Variants in TNNI3K observed in about 807,000 individuals in gnomAD.
The protein encoded by TNNI3K is serine/threonine-protein kinase TNNI3K.
A neutral mutation model predicts 114.5 loss-of-function variants in TNNI3K; 140 were observed. That is an observed-to-expected ratio of 1.22 (90% confidence interval 1.07 to 1.41). The LOEUF (loss-of-function observed/expected upper bound fraction) is 1.41, where lower values mean the gene tolerates loss of function less well. Among genes scored for constraint, TNNI3K ranks in the 40% most tolerant of loss-of-function variants. The pLI is 0.00. For synonymous variants in TNNI3K, 347 were observed against 347.5 expected (o/e 1.00, Z 0.02); for missense variants, 1,125 against 1,007.6 (o/e 1.12, Z -1.58).
At chr1:74,458,668 T>G (rs915971190) in intron 20 of TNNI3K, among the ~76,000 whole-genome samples, 2 of 152,236 alleles carry the variant, frequency 1.3e-5, no homozygotes, top group Non-Finnish European at 2.9e-5. Context: ...TCATCTTCAT[T>G]CATTTATTCA....
intron 5 of TNNI3K, among the ~76,000 whole-genome samples, chr1:74,288,355 TAA>T (rs1657460895): frequency 6.6e-6 from 1 of 152,118 alleles, no homozygotes; most frequent in Admixed American, 6.5e-5. Flanking sequence ...CCAATCAACC[TAA>T]GTGTCCATCT....
rs138873517 is a variant in TNNI3K, at chr1:74,246,037, C to A, written c.150-3422C>A. 3.7e-3 allele frequency among the ~76,000 whole-genome samples: 557 copies of A among 152,282 alleles called. 2 individuals are homozygous for A. Among genetic ancestry groups the A allele is most frequent in the African/African-American group, 0.013 (528 of 41,552 alleles). ...CATGAAGATAGTTAAGAATTTAACTCACTTCTATCAGCAATTTCCCTCAGC... is the reference window on the plus strand; with the variant it reads ...CATGAAGATAGTTAAGAATTTAACTAACTTCTATCAGCAATTTCCCTCAGC... On this transcript the variant is annotated intron_variant, in intron 2 of 24. Transcript: ENST00000326637.
chr1:74,296,139 G>A (rs185988472), intron 5 of TNNI3K, among the ~76,000 whole-genome samples: 7,078 of 152,092 alleles, frequency 0.047, 207 homozygotes, highest in Non-Finnish European at 0.055. Context: ...AGCCGGGCGA[G>A]GCGGCGGGCG....
In TNNI3K at chr1:74,250,681, C is replaced by G. The variant is rs201209296; in HGVS notation, c.245C>G (p.Ser82Ter). ...CATTTTTCTCTTTAAGGCAAGAAAT[C>G]ACATATTCGAACTCTTATGTTGAAA... ...HLCCICGGKK[S>*]HIRTLMLKGL... The change falls in exon 4 of 25, where the codon TCA (serine) becomes TGA (stop). Residue 82 changes from serine (S) to a stop codon, truncating the protein, a stop_gained. Transcript: ENST00000326637. LOFTEE classifies it high-confidence loss of function. 1.2e-6 allele frequency: 2 copies of G among 1,609,778 alleles called. No homozygotes were observed. The highest frequency in any genetic ancestry group is 8.5e-7 in the Non-Finnish European group (1 of 1,178,802).
At chr1:74,449,830 A>G (rs559824531) in intron 20 of TNNI3K, among the ~76,000 whole-genome samples, 1 of 150,704 alleles carries the variant, frequency 6.6e-6, no homozygotes, top group African/African-American at 2.4e-5. Flanking sequence ...CCCACTGTCA[A>G]CATTAGATAG....
intron 20 of TNNI3K, among the ~76,000 whole-genome samples, chr1:74,448,260 TA>T (rs71588834): frequency 0.21 from 18,526 of 89,342 alleles, 1,060 homozygotes; most frequent in Middle Eastern, 0.27. Flanking sequence ...TAGAGTATAA[TA>T]AAAAAAAAAA....
intron 23 of TNNI3K, among the ~76,000 whole-genome samples, chr1:74,524,723 G>A (rs1378952932): frequency 1.3e-5 from 2 of 151,462 alleles, no homozygotes; most frequent in African/African-American, 4.9e-5. Flanking sequence ...TTATTCTAAT[G>A]TGAGAAGAGT....
chr1:74,455,465 C>A (rs1189445557), intron 20 of TNNI3K, among the ~76,000 whole-genome samples: 1 of 152,094 alleles, frequency 6.6e-6, no homozygotes, highest in Non-Finnish European at 1.5e-5. Flanking sequence ...TTGTACAAGT[C>A]AGGGTTCTCT....
In TNNI3K at chr1:74,445,603, CT is replaced by C. The variant is rs1234823064; in HGVS notation, c.2011+5989del. 1.9e-4 allele frequency among the ~76,000 whole-genome samples: 25 copies of C among 131,214 alleles called. 1 individual carries two copies. In the South Asian group the frequency reaches 3.5e-3, roughly 19 times the overall value. 86.1% of individuals were successfully genotyped at this position (131,214 alleles called of 152,430 possible). The stretch of plus-strand genomic sequence containing the variant: ...CCATGGTGTATATGTTCCACATTTT[CT>C]TTTTTTTCTTTTTTTCTTTTTTTTG... On this transcript the variant is annotated intron_variant, in intron 20 of 24. Coordinates refer to ENST00000326637, the MANE Select transcript of TNNI3K (RefSeq NM_015978.3).
Position 74,506,653 on chromosome 1 carries a change from G to A in TNNI3K, c.2351+14387G>A, listed in dbSNP as rs563693364. Among the ~76,000 whole-genome samples the A allele has an allele frequency of 5.3e-5, 8 of 152,284 alleles. No individual in the cohort carries two copies. The South Asian group carries it at 1.5e-3, about 28-fold the overall frequency. On this transcript the variant is annotated intron_variant, in intron 23 of 24. Coordinates refer to ENST00000326637, the MANE Select transcript of TNNI3K (RefSeq NM_015978.3). ...GCTTGTTAGAAATGTACAATCTCAG[G>A]CCCCACACCGGACCTGCCGAATCTG...
chr1:74,464,920 C>T, intron 21 of TNNI3K: 1 of 1,275,250 alleles, frequency 7.8e-7, no homozygotes, highest in Non-Finnish European at 9.9e-7. Context: ...TGAATGAATA[C>T]CAGTATTGCC....
intron 21 of TNNI3K, among the ~76,000 whole-genome samples, chr1:74,467,247 G>C (rs969020549): frequency 1.3e-5 from 2 of 152,152 alleles, no homozygotes; most frequent in African/African-American, 4.8e-5. Flanking sequence ...TCTGTATCAG[G>C]CATTATTTGA....
At chr1:74,439,669 G>A in intron 20 of TNNI3K, 47 bp downstream of exon 20, 2 of 1,595,186 alleles carry the variant, frequency 1.3e-6, no homozygotes, top group Non-Finnish European at 1.7e-6. Context: ...AGAGTTCACT[G>A]GATTTTTATA....
intron 21 of TNNI3K, among the ~76,000 whole-genome samples, chr1:74,473,893 A>G (rs1268995536): frequency 1.3e-5 from 2 of 152,128 alleles, no homozygotes. Context: ...AGTCCTCTCT[A>G]CACTGGAAAG....
chr1:74,325,612 A>G (rs571885192), intron 5 of TNNI3K, among the ~76,000 whole-genome samples: 2 of 152,298 alleles, frequency 1.3e-5, no homozygotes, highest in East Asian at 3.9e-4. Flanking sequence ...GGGGCCTTTG[A>G]TGTCATTTTC....
intron 5 of TNNI3K, among the ~76,000 whole-genome samples, chr1:74,284,680 C>T (rs1268082880): frequency 6.6e-6 from 1 of 152,200 alleles, no homozygotes; most frequent in African/African-American, 2.4e-5. Context: ...CTTTTCTCTG[C>T]CCTAAAGCAG....
At chr1:74,399,283 GTTA>G (rs1553141501) in intron 17 of TNNI3K, among the ~76,000 whole-genome samples, 1 of 151,548 alleles carries the variant, frequency 6.6e-6, no homozygotes, top group Non-Finnish European at 1.5e-5. Context: ...CCCCTTACAA[GTTA>G]TTATGTGAAC....
chr1:74,475,004 CT>C (rs57835195), intron 21 of TNNI3K, among the ~76,000 whole-genome samples: 151,695 of 151,812 alleles, frequency 1, 75,789 homozygotes, highest in Middle Eastern at 1. Flanking sequence ...TAAAAGGCTA[CT>C]TTTTTTCTTT....
At chr1:74,500,552 T>C (rs1171552816) in intron 23 of TNNI3K, among the ~76,000 whole-genome samples, 6 of 120,704 alleles carry the variant, frequency 5.0e-5, no homozygotes, top group East Asian at 2.9e-4. Context: ...TGCAGTGAGC[T>C]GAGATCCCGC....
Sources: gnomAD v4.1 joint callset for allele counts (sites outside exome capture counted in the v4.1 genomes callset) on GRCh38, gnomAD v4.1.1 for gene constraint, MANE v1.5 for transcripts, NCBI Gene and HGNC (gene_info 2026-07-23, HGNC 2026-07-21) for gene names.